EPHA8: variants seen among roughly 807,000 people sequenced by gnomAD.
EPHA8 encodes the protein EPH receptor A8, also known as ephrin type-A receptor 8.
EPHA8 carries 58 observed loss-of-function variants against 103.6 expected under a neutral mutation model. That is an observed-to-expected ratio of 0.56 (90% CI 0.45 to 0.70). The LOEUF (loss-of-function observed/expected upper bound fraction) is 0.70, where lower values mean the gene tolerates loss of function less well. EPHA8 is among the 30% of genes least tolerant of loss of function. The pLI, the probability that EPHA8 is intolerant of heterozygous loss-of-function variation, is 0.00. For missense variants in EPHA8, 1,304 were observed against 1,395.2 expected, an observed-to-expected ratio of 0.93 and a Z score of 1.04; for synonymous variants, 559 against 572.5, an observed-to-expected ratio of 0.98 and a Z score of 0.34.
intron 4 of EPHA8, among the ~76,000 whole-genome samples, chr1:22,587,594 C>T (rs890906882): frequency 3.9e-5 from 6 of 152,204 alleles, no homozygotes; most frequent in African/African-American, 1.4e-4. Context: ...CACTCATACT[C>T]CCATTCCAGG....
In EPHA8 at chr1:22,588,990, C is replaced by T. The variant is rs373048699; in HGVS notation, c.1099C>T (p.Arg367Cys). The T allele has an allele frequency of 2.7e-5, 43 of 1,613,326 alleles. No homozygotes were observed. The African/African-American group carries it at 3.5e-4, about 13-fold the overall frequency. ...RSDITYNAVC[R>C]RCPWALSRCE... ...TGACATCACCTACAATGCCGTGTGC[C>T]GCCGCTGCCCCTGGGCACTGAGCCG... The change falls in exon 5 of 17, where the codon CGC becomes TGC. Residue 367 changes from arginine (R) to cysteine (C), a missense_variant. Arg to Cys is a radical substitution (Grantham distance 180). Coordinates refer to ENST00000166244, the MANE Select transcript of EPHA8 (RefSeq NM_020526.5).
chr1:22,599,930 AGGGAGTGGG>A, intron 13 of EPHA8, among the ~76,000 whole-genome samples: 1 of 29,114 alleles, frequency 3.4e-5, no homozygotes, highest in Admixed American at 4.7e-4. Context: ...GGGACGAGGG[AGGGAGTGGG>A]GGAGGGAGGG....
In EPHA8 at chr1:22,589,613, A is replaced by G; in HGVS notation, c.1315+407A>G. On this transcript the variant is annotated intron_variant, in intron 5 of 16. Coordinates refer to ENST00000166244, the MANE Select transcript of EPHA8 (RefSeq NM_020526.5). This position sits in a 1 kb window ranked among gnomAD's most constrained non-coding sequence, Gnocchi z 4.3. Reference sequence around the variant, plus strand: ...GTAAATGCTCAATAAATGTCATTAAAAAATAAAATCACTCGGATGATCATT... The same window carrying G: ...GTAAATGCTCAATAAATGTCATTAAGAAATAAAATCACTCGGATGATCATT... The G allele has an allele frequency of 7.9e-7, 1 of 1,263,644 alleles. No individual in the cohort carries two copies. Among genetic ancestry groups the G allele is most frequent in the Non-Finnish European group, 9.9e-7 (1 of 1,007,990 alleles). The allele number at this position is 1,263,644 out of a possible 1,614,324, so 78.3% of individuals were successfully genotyped here.
At position 22,576,298 on chromosome 1, in the gene EPHA8, A is replaced by C. The variant is rs1344147370; in HGVS notation, c.241A>C (p.Asn81His). 1.2e-6 allele frequency: 2 copies of C among 1,613,724 alleles called. No individual in the cohort carries two copies. Among genetic ancestry groups the C allele is most frequent in the African/African-American group, 1.3e-5 (1 of 74,884 alleles). Residue 81 changes from asparagine (N) to histidine (H), a missense_variant, in exon 3 of 17, where the codon AAC becomes CAC. Transcript: ENST00000166244. The surrounding 1 kb of genome is among the most constrained non-coding windows in gnomAD (Gnocchi z 4.8). ...QVCNVMSPNQ[N>H]NWLRTSWVPR... is the part of the protein sequence containing the mutation. The stretch of plus-strand genomic sequence containing the variant: ...TTGCAACGTCATGAGCCCCAACCAG[A>C]ACAACTGGCTGCGCACGAGCTGGGT...
chr1:22,589,671 T>G lies in EPHA8; in HGVS notation c.1315+465T>G. The G allele has an allele frequency of 8.8e-7, 1 of 1,139,044 alleles. No homozygotes were observed. 70.6% of individuals were successfully genotyped at this position (1,139,044 alleles called of 1,614,324 possible). ...ACAGCTGCTACAGCTGCCCTTGGGATAGACTTGGCTGCACTGGCTTGGACC... is the reference window on the plus strand; with the variant it reads ...ACAGCTGCTACAGCTGCCCTTGGGAGAGACTTGGCTGCACTGGCTTGGACC... On this transcript the variant is annotated intron_variant, in intron 5 of 16. Coordinates refer to ENST00000166244, the MANE Select transcript of EPHA8 (RefSeq NM_020526.5). The surrounding 1 kb of genome is among the most constrained non-coding windows in gnomAD (Gnocchi z 4.3).
intron 3 of EPHA8, among the ~76,000 whole-genome samples, chr1:22,581,283 C>A (rs1569988617): frequency 6.6e-6 from 1 of 152,226 alleles, no homozygotes. Context: ...GGATGGTTAG[C>A]AACTGGTACA....
intron 1 of EPHA8, among the ~76,000 whole-genome samples, chr1:22,566,317 C>T (rs1179000958): frequency 2.6e-5 from 4 of 152,226 alleles, no homozygotes; most frequent in Non-Finnish European, 5.9e-5. Context: ...CACCATCATG[C>T]GCTGCGTCCT....
intron 3 of EPHA8, among the ~76,000 whole-genome samples, chr1:22,581,467 G>T (rs1226000975): frequency 6.6e-6 from 1 of 152,238 alleles, no homozygotes; most frequent in African/African-American, 2.4e-5. Flanking sequence ...TTGGGGTCAA[G>T]ACCTCGCTTG....
In EPHA8 at chr1:22,588,915, A is replaced by G. The variant is rs1323688249; in HGVS notation, c.1024A>G (p.Thr342Ala). 6.2e-7 allele frequency: 1 copy of G among 1,607,810 alleles called. No individual in the cohort carries two copies. Among genetic ancestry groups the G allele is most frequent in the Non-Finnish European group, 8.5e-7 (1 of 1,179,248 alleles). The change falls in exon 5 of 17, where the codon ACA becomes GCA. Residue 342 changes from threonine to alanine, a missense_variant. By Grantham distance (58) the Thr-to-Ala change is moderately conservative. Coordinates refer to ENST00000166244, the MANE Select transcript of EPHA8 (RefSeq NM_020526.5). ...GAACCTGATCTCCAGTGTGAATGGG[A>G]CATCAGTGACTCTGGAGTGGGCCCC... Reference protein sequence around the residue: ...PVNLISSVNGTSVTLEWAPPL... With the variant: ...PVNLISSVNGASVTLEWAPPL...
intron 1 of EPHA8, among the ~76,000 whole-genome samples, chr1:22,564,959 T>C (rs1286867612): frequency 2.0e-5 from 3 of 151,982 alleles, no homozygotes; most frequent in Admixed American, 1.3e-4. Flanking sequence ...GGGCCCACCC[T>C]ACACACAAGC....
Position 22,601,423 on chromosome 1 carries a change from C to G in EPHA8, c.2853C>G (p.Phe951Leu). 6.2e-7 allele frequency: 1 copy of G among 1,611,052 alleles called. No homozygotes were observed. Among genetic ancestry groups the G allele is most frequent in the Non-Finnish European group, 8.5e-7 (1 of 1,179,842 alleles). Residue 951 changes from phenylalanine to leucine, a missense_variant, in exon 16 of 17, where the codon TTC becomes TTG. Coordinates refer to ENST00000166244, the MANE Select transcript of EPHA8 (RefSeq NM_020526.5). ...SIRMGRYRDH[F>L]AAGGYSSLGM... ...GCATGGGCCGGTACCGAGACCACTT[C>G]GCTGCGGGCGGATACTCCTCTCTGG...
At position 22,597,467 on chromosome 1, in the gene EPHA8, A is replaced by G. The variant is rs373638442; in HGVS notation, c.1921A>G (p.Ile641Val). The G allele has an allele frequency of 1.9e-6, 3 of 1,612,872 alleles. No individual in the cohort carries two copies. The highest frequency in any genetic ancestry group is 2.7e-5 in the African/African-American group (2 of 74,922). Residue 641 changes from isoleucine (I) to valine (V), a missense_variant, in exon 10 of 17, where the codon ATC (isoleucine) becomes GTC (valine). Transcript: ENST00000166244. The surrounding 1 kb of genome is among the most constrained non-coding windows in gnomAD (Gnocchi z 4.6). ...CTCTAGGATCCACATCGAGAAAATC[A>G]TCGGCTCTGGTGAGTCTCAGGGGTT... The part of the protein sequence containing the change: ...EASRIHIEKI[I>V]GSGDSGEVCY...
At chr1:22,593,192 C>A (rs1288000878) in intron 5 of EPHA8, 134 bp from the exon 6 acceptor site, 1 of 1,356,186 alleles carries the variant, frequency 7.4e-7, no homozygotes, top group Non-Finnish European at 9.9e-7. Context: ...GCTGGCTGTC[C>A]TGGGGCTGGG....
Position 22,576,809 on chromosome 1 carries a change from GC to G in EPHA8, c.753del (p.Glu252SerfsTer82). On this transcript the variant is annotated frameshift_variant, in exon 3 of 17. Coordinates refer to ENST00000166244, the MANE Select transcript of EPHA8 (RefSeq NM_020526.5). LOFTEE classifies it high-confidence loss of function. This position sits in a 1 kb window ranked among gnomAD's most constrained non-coding sequence, Gnocchi z 4.8. Reference protein sequence around the residue: ...DTPKMYCSAEGEWLVPIGKCV... With the variant: ...DTPKMYCSAEXEWLVPIGKCV... Reference sequence around the variant, plus strand: ...CCCAAGATGTACTGCAGCGCGGAGGGCGAGTGGCTCGTGCCCATCGGCAAAT... The same window carrying G: ...CCCAAGATGTACTGCAGCGCGGAGGGGAGTGGCTCGTGCCCATCGGCAAAT... 5 of 1,612,508 alleles carry G rather than the reference GC, an allele frequency of 3.1e-6. No homozygotes were observed. The highest frequency in any genetic ancestry group is 2.5e-6 in the Non-Finnish European group (3 of 1,179,382).
rs756270156 is a variant in EPHA8 at position 22,576,829 on chromosome 1, G to A, written c.772G>A (p.Gly258Ser). Residue 258 changes from glycine to serine, a missense_variant, in exon 3 of 17, where the codon GGC (glycine) becomes AGC (serine). Physicochemically the swap from Gly to Ser is moderately conservative, Grantham distance 56. Transcript: ENST00000166244. This position sits in a 1 kb window ranked among gnomAD's most constrained non-coding sequence, Gnocchi z 4.8. ...SAEGEWLVPIGKCVCSAGYEE... is the reference protein window; with the variant it reads ...SAEGEWLVPISKCVCSAGYEE... ...GGAGGGCGAGTGGCTCGTGCCCATC[G>A]GCAAATGCGTGTGCAGTGCCGGCTA... 6.2e-7 allele frequency: 1 copy of A among 1,610,098 alleles called. No homozygotes were observed. The highest frequency in any genetic ancestry group is 1.1e-5 in the South Asian group (1 of 90,912).
At chr1:22,595,950 G>A (rs1641505082) in intron 8 of EPHA8, among the ~76,000 whole-genome samples, 156 bp from the exon 9 acceptor site, 4 of 152,244 alleles carry the variant, frequency 2.6e-5, no homozygotes. Flanking sequence ...AGAGCCTGGA[G>A]TCAGGGACTC....
Position 22,593,682 on chromosome 1 carries a change from AC to A in EPHA8, c.1603del (p.Arg535GlyfsTer14). ...SQAMEVETGKPRPRYDTRTIV... is the reference protein window; with the variant it reads ...SQAMEVETGKXRPRYDTRTIV... ...AGGCCATGGAGGTGGAGACCGGGAA[AC>A]CCCGTGAGTGCAGGGAGGGGGCGTG... is the stretch of plus-strand genomic sequence containing the variant. On this transcript the variant is annotated frameshift_variant, in exon 7 of 17. Transcript: ENST00000166244. LOFTEE classifies it high-confidence loss of function. The A allele has an allele frequency of 6.3e-7, 1 of 1,592,530 alleles. No homozygotes were observed. Among genetic ancestry groups the A allele is most frequent in the Non-Finnish European group, 8.6e-7 (1 of 1,169,478 alleles).
At chr1:22,566,748 C>T (rs1488003608) in intron 1 of EPHA8, among the ~76,000 whole-genome samples, 2 of 152,102 alleles carry the variant, frequency 1.3e-5, no homozygotes, top group Non-Finnish European at 2.9e-5. Context: ...GGACCCAGGC[C>T]CAGGCTGGGT....
At chr1:22,593,479 G>T (rs749965171) in intron 6 of EPHA8, 29 bp downstream of exon 6, 1 of 1,609,484 alleles carries the variant, frequency 6.2e-7, no homozygotes, top group Non-Finnish European at 8.5e-7. Flanking sequence ...AGTGGGAGGG[G>T]CTGGGCCAGC....
Sources: gnomAD v4.1 joint callset for allele counts (sites outside exome capture counted in the v4.1 genomes callset) on GRCh38, gnomAD v4.1.1 for gene constraint, Gnocchi (gnomAD v3.1) non-coding constraint, MANE v1.5 for transcripts, NCBI Gene and HGNC (gene_info 2026-07-23, HGNC 2026-07-21) for gene names.